Variants in UBE2O observed in about 807,000 individuals in gnomAD.
UBE2O encodes the protein ubiquitin conjugating enzyme E2 O, also known as (E3-independent) E2 ubiquitin-conjugating enzyme.
UBE2O carries 15 observed loss-of-function variants against 125.8 expected under a neutral mutation model. The observed-to-expected ratio is 0.12, with a 90% CI of 0.08 to 0.18. The LOEUF is 0.18. Among genes scored for constraint, UBE2O ranks in the 10% least tolerant of loss-of-function variants. The pLI is 1.00. For synonymous variants in UBE2O, 708 were observed against 703.2 expected (o/e 1.01, Z -0.11); for missense variants, 1,280 against 1,723.6 (o/e 0.74, Z 4.56).
intron 1 of UBE2O, among the ~76,000 whole-genome samples, chr17:76,450,082 C>CAAA (rs59424179): frequency 6.9e-4 from 97 of 140,294 alleles, no homozygotes; most frequent in African/African-American, 2.3e-3. Flanking sequence ...ACCAGTAACT[C>CAAA]AAAAAAAAAA....
intron 3 of UBE2O, among the ~76,000 whole-genome samples, chr17:76,403,192 G>A (rs1393011867): frequency 6.6e-6 from 1 of 152,204 alleles, no homozygotes; most frequent in South Asian, 2.1e-4. Flanking sequence ...GGAGCAGGAA[G>A]GAGAAGAAGG....
In UBE2O at chr17:76,452,988, G is replaced by T; in HGVS notation, c.154C>A (p.Pro52Thr). 6.7e-7 allele frequency: 1 copy of T among 1,492,138 alleles called. No homozygotes were observed. The highest frequency in any genetic ancestry group is 8.9e-7 in the Non-Finnish European group (1 of 1,120,984). The allele number at this position is 1,492,138 out of a possible 1,614,324, so 92.4% of individuals were successfully genotyped here. ...AGCAGGCGCTGCGAGCCGGCTTCTG[G>T]GCCGGAGTCCGAGGACGGCCCGGAG... The part of the protein sequence containing the change: ...SASGPSSDSG[P>T]EAGSQRLLFS... The change falls in exon 1 of 18, where the codon CCA (proline) becomes ACA (threonine). Residue 52 changes from proline to threonine, a missense_variant. Coordinates refer to ENST00000319380, the MANE Select transcript of UBE2O (RefSeq NM_022066.4). This position sits in a 1 kb window ranked among gnomAD's most constrained non-coding sequence, Gnocchi z 4.4.
intron 1 of UBE2O, among the ~76,000 whole-genome samples, chr17:76,425,225 C>CAAAAAAAAA (rs58377572): frequency 4.2e-5 from 4 of 95,080 alleles, no homozygotes; most frequent in African/African-American, 1.4e-4. Context: ...GTCCTTTCGA[C>CAAAAAAAAA]AAAAAAAAAA....
intron 15 of UBE2O, among the ~76,000 whole-genome samples, chr17:76,393,902 G>T (rs1315970843): frequency 6.6e-6 from 1 of 152,166 alleles, no homozygotes; most frequent in Non-Finnish European, 1.5e-5. Context: ...TGCTCTTATC[G>T]GTGCCACCCT....
At position 76,400,413 on chromosome 17, in the gene UBE2O, G is replaced by A. The variant is rs745943321; in HGVS notation, c.1004+28C>T. On this transcript the variant is annotated intron_variant, in intron 7 of 17. Coordinates refer to ENST00000319380, the MANE Select transcript of UBE2O (RefSeq NM_022066.4). This position sits in a 1 kb window ranked among gnomAD's most constrained non-coding sequence, Gnocchi z 4.3. ...AGAGCCCTGTCCCACGCGTGCCCCT[G>A]GGTTGCTGGCAGTAAGGGCATGCTT... is the stretch of plus-strand genomic sequence containing the variant. The A allele has an allele frequency of 1.2e-6, 2 of 1,602,126 alleles. No individual in the cohort carries two copies. Among genetic ancestry groups the A allele is most frequent in the Admixed American group, 3.4e-5 (2 of 59,304 alleles).
At position 76,398,290 on chromosome 17, in the gene UBE2O, T is replaced by C; in HGVS notation, c.1990A>G (p.Asn664Asp). 6.2e-7 allele frequency: 1 copy of C among 1,614,174 alleles called. No individual in the cohort carries two copies. The highest frequency in any genetic ancestry group is 1.1e-5 in the South Asian group (1 of 91,078). Residue 664 changes from asparagine to aspartate, a missense_variant, in exon 12 of 18, where the codon AAT becomes GAT. Asn to Asp is a conservative substitution (Grantham distance 23). Transcript: ENST00000319380. This position sits in a 1 kb window ranked among gnomAD's most constrained non-coding sequence, Gnocchi z 5.4. ...TTGTGAGGAGCCCCATCCTCAGTAT[T>C]GCCGATGCGGATGACGATGTCAGTT... ...RTTDIVIRIGNTEDGAPHKED... is the reference protein window; with the variant it reads ...RTTDIVIRIGDTEDGAPHKED...
chr17:76,413,872 A>C (rs2072556385), intron 1 of UBE2O, among the ~76,000 whole-genome samples: 1 of 152,232 alleles, frequency 6.6e-6, no homozygotes, highest in Admixed American at 6.5e-5. Flanking sequence ...TGGCTCAAAC[A>C]GTAAAACCAG....
At chr17:76,429,580 G>T (rs1012689437) in intron 1 of UBE2O, among the ~76,000 whole-genome samples, 4 of 151,426 alleles carry the variant, frequency 2.6e-5, no homozygotes, top group Admixed American at 1.3e-4. Context: ...AAAAGTTGAG[G>T]TGATAAAAAG....
In UBE2O at chr17:76,395,798, A is replaced by G. The variant is rs1430939090; in HGVS notation, c.2873T>C (p.Val958Ala). ...PPEAKKFFST[V>A]RKEMALLATS... ...AGCCAGCAGCGCCATCTCCTTCCGC[A>G]CTGTGCTGAAGAACTTCTTGGCTTC... is the stretch of plus-strand genomic sequence containing the variant. Residue 958 changes from valine (V) to alanine (A), a missense_variant, in exon 15 of 18, where the codon GTG becomes GCG. Physicochemically the swap from Val to Ala is moderately conservative, Grantham distance 64. Around this residue, in one of 10 missense-constraint regions of UBE2O, gnomAD observed 116 missense variants for 154.8 expected, o/e 0.75. Coordinates refer to ENST00000319380, the MANE Select transcript of UBE2O (RefSeq NM_022066.4). The surrounding 1 kb of genome is among the most constrained non-coding windows in gnomAD (Gnocchi z 5.0). The G allele has an allele frequency of 1.9e-6, 3 of 1,614,102 alleles. No individual in the cohort carries two copies. Among genetic ancestry groups the G allele is most frequent in the Non-Finnish European group, 2.5e-6 (3 of 1,180,042 alleles).
In UBE2O at chr17:76,405,847, A is replaced by G. The variant is rs2072407998; in HGVS notation, c.418-275T>C. 1.3e-5 allele frequency among the ~76,000 whole-genome samples: 2 copies of G among 152,102 alleles called. No homozygotes were observed. The highest frequency in any genetic ancestry group is 4.1e-4 in the South Asian group (2 of 4,824). ...GCTTGCCGGAGGTAGCCTTCCTCAC[A>G]CTGAACAGTGCAGCTCAATGACAGA... On this transcript the variant is annotated intron_variant, in intron 1 of 17. Coordinates refer to ENST00000319380, the MANE Select transcript of UBE2O (RefSeq NM_022066.4). The surrounding 1 kb of genome is among the most constrained non-coding windows in gnomAD (Gnocchi z 6.1).
rs2143914071 is a variant in UBE2O at position 76,446,072 on chromosome 17, T to C, written c.417+6653A>G. 1.3e-5 allele frequency among the ~76,000 whole-genome samples: 2 copies of C among 152,350 alleles called. 1 individual carries two copies. Among genetic ancestry groups the C allele is most frequent in the African/African-American group, 4.8e-5 (2 of 41,578 alleles). On this transcript the variant is annotated intron_variant, in intron 1 of 17. Transcript: ENST00000319380. The stretch of plus-strand genomic sequence containing the variant: ...GAAAGCACATTATAGACGTTCCTGA[T>C]TGTAACTTGCCCCTTTTGATTGTCA...
In UBE2O at chr17:76,452,622, A is replaced by G; in HGVS notation, c.417+103T>C. 8.9e-7 allele frequency: 1 copy of G among 1,129,304 alleles called. No individual in the cohort carries two copies. The highest frequency in any genetic ancestry group is 1.1e-6 in the Non-Finnish European group (1 of 877,420). The allele number at this position is 1,129,304 out of a possible 1,614,324, so 70.0% of individuals were successfully genotyped here. The stretch of plus-strand genomic sequence containing the variant: ...GCTGTCCTCCCGCGTCGGCCACTGC[A>G]GTGGCACCGCTCCGGGCAGGGCCCT... On this transcript the variant is annotated intron_variant, in intron 1 of 17. Coordinates refer to ENST00000319380, the MANE Select transcript of UBE2O (RefSeq NM_022066.4). The surrounding 1 kb of genome is among the most constrained non-coding windows in gnomAD (Gnocchi z 4.4).
At chr17:76,393,814 G>C (rs1341411169) in intron 15 of UBE2O, among the ~76,000 whole-genome samples, 3 of 152,166 alleles carry the variant, frequency 2.0e-5, no homozygotes, top group African/African-American at 7.2e-5. Context: ...TCAACTGACA[G>C]GGCAATGGGC....
intron 5 of UBE2O, among the ~76,000 whole-genome samples, chr17:76,401,391 A>C (rs2072321691): frequency 1.3e-5 from 2 of 152,196 alleles, no homozygotes; most frequent in African/African-American, 2.4e-5. Flanking sequence ...TCCTTGGTCA[A>C]GGGCTCATAC....
rs1821262965 is a variant in UBE2O at position 76,405,103 on chromosome 17, G to T, written c.588+103C>A. 1.2e-6 allele frequency: 1 copy of T among 827,016 alleles called. No homozygotes were observed. The highest frequency in any genetic ancestry group is 2.8e-5 in the Admixed American group (1 of 35,498). The allele number at this position is 827,016 out of a possible 1,614,324, so 51.2% of individuals were successfully genotyped here. ...GTGCTCCGCCTTCTGACCCAGGAAG[G>T]CTGTGCTTGGCAAGAGCACGGAGGA... is the stretch of plus-strand genomic sequence containing the variant. On this transcript the variant is annotated intron_variant, in intron 3 of 17. Coordinates refer to ENST00000319380, the MANE Select transcript of UBE2O (RefSeq NM_022066.4). The surrounding 1 kb of genome is among the most constrained non-coding windows in gnomAD (Gnocchi z 6.1).
intron 1 of UBE2O, among the ~76,000 whole-genome samples, chr17:76,440,631 AT>A (rs1005389661): frequency 5.3e-5 from 8 of 151,980 alleles, no homozygotes; most frequent in Admixed American, 5.2e-4. Flanking sequence ...CCTGGCCTCT[AT>A]TTACTTTTTT....
rs961221290 is a variant in UBE2O at position 76,389,847 on chromosome 17, T to G, written c.*1096A>C. Reference sequence around the variant, plus strand: ...GAGTTAATATCTTTGCTTTTGAGTTTTTTTTCCAACCTTAAATATTACATA... The same window carrying G: ...GAGTTAATATCTTTGCTTTTGAGTTGTTTTTCCAACCTTAAATATTACATA... On this transcript the variant is annotated 3_prime_UTR_variant, in exon 18 of 18. Transcript: ENST00000319380. 2 of 141,780 alleles carry G rather than the reference T, an allele frequency of 1.4e-5. No homozygotes were observed. Among genetic ancestry groups the G allele is most frequent in the African/African-American group, 4.9e-5 (2 of 40,592 alleles). The allele number at this position is 141,780 out of a possible 1,614,324, so 8.8% of individuals were successfully genotyped here.
chr17:76,445,066 G>A (rs1285616504), intron 1 of UBE2O, among the ~76,000 whole-genome samples: 1 of 152,190 alleles, frequency 6.6e-6, no homozygotes, highest in Non-Finnish European at 1.5e-5. Context: ...TTAAAAGGAG[G>A]AGGAAGAACA....
At chr17:76,429,257 T>C (rs2143838848) in intron 1 of UBE2O, among the ~76,000 whole-genome samples, 1 of 151,780 alleles carries the variant, frequency 6.6e-6, no homozygotes, top group South Asian at 2.1e-4. Context: ...AAATAAAAAG[T>C]TGGGCTGGGG....
Sources: gnomAD v4.1 joint callset for allele counts (sites outside exome capture counted in the v4.1 genomes callset) on GRCh38, gnomAD v4.1.1 for gene constraint, gnomAD v4.1.1 regional missense constraint, Gnocchi (gnomAD v3.1) non-coding constraint, MANE v1.5 for transcripts, NCBI Gene and HGNC (gene_info 2026-07-23, HGNC 2026-07-21) for gene names.